Variants in MTHFD1L observed in about 807,000 individuals in gnomAD.
The protein encoded by MTHFD1L is methylenetetrahydrofolate dehydrogenase (NADP+ dependent) 1 like.
In MTHFD1L, 81 loss-of-function variants were observed where a neutral mutation model predicts 119.5. The observed-to-expected ratio is 0.68, with a 90% CI of 0.57 to 0.82. MTHFD1L has a LOEUF of 0.82. Ranked by LOEUF, MTHFD1L falls within the 40% of genes least tolerant of loss-of-function variation. The pLI is 0.00. For synonymous variants in MTHFD1L, 430 were observed against 475.2 expected, an observed-to-expected ratio of 0.90 and a Z score of 1.24; for missense variants, 1,125 against 1,253.4, an observed-to-expected ratio of 0.90 and a Z score of 1.55.
intron 26 of MTHFD1L, among the ~76,000 whole-genome samples, chr6:151,087,652 A>G (rs1793947563): frequency 6.6e-6 from 1 of 152,246 alleles, no homozygotes; most frequent in South Asian, 2.1e-4. Flanking sequence ...ATGAAACAGA[A>G]TCTTTAATAA....
chr6:150,924,712 A>C (rs1342152535), intron 10 of MTHFD1L, among the ~76,000 whole-genome samples: 2 of 151,816 alleles, frequency 1.3e-5, no homozygotes, highest in African/African-American at 4.8e-5. Context: ...TCATGGACTC[A>C]AGTGATCCTC....
At chr6:150,889,200 C>G (rs1041855862) in intron 7 of MTHFD1L, among the ~76,000 whole-genome samples, 1 of 150,856 alleles carries the variant, frequency 6.6e-6, no homozygotes, top group Non-Finnish European at 1.5e-5. Context: ...AAAACATTAA[C>G]TATTAAAAAT....
At chr6:150,962,914 C>CTTTTTTTTTTTTTTTTTTTTTTTTTTTT (rs4035893) in intron 18 of MTHFD1L, among the ~76,000 whole-genome samples, 1 of 114,148 alleles carries the variant, frequency 8.8e-6, no homozygotes, top group African/African-American at 3.3e-5. Flanking sequence ...CTTTTCTTTT[C>CTTTTTTTTTTTTTTTTTTTTTTTTTTTT]TTTTTTTTTT....
chr6:151,038,132 A>C (rs1786470000), intron 26 of MTHFD1L, among the ~76,000 whole-genome samples: 2 of 152,210 alleles, frequency 1.3e-5, no homozygotes, highest in African/African-American at 4.8e-5. Flanking sequence ...TGTGAGGCAC[A>C]GAGATTTTAG....
chr6:150,949,073 G>A lies in MTHFD1L; in HGVS notation c.1666G>A (p.Glu556Lys). Residue 556 changes from glutamate to lysine, a missense_variant, in exon 16 of 28, where the codon GAG (glutamate) becomes AAG (lysine). Around this residue, in one of 3 missense-constraint regions of MTHFD1L, gnomAD observed 1,058 missense variants for 1,151.2 expected, o/e 0.92. Transcript: ENST00000367321. Reference protein sequence around the residue: ...NKTDPSTLTEEEVSKFARLDI... With the variant: ...NKTDPSTLTEKEVSKFARLDI... ...GACTGATCCGAGCACACTGACAGAA[G>A]AGGAAGTGAGTAAATTTGCCCGTCT... The A allele has an allele frequency of 1.2e-6, 2 of 1,614,080 alleles. No homozygotes were observed. The highest frequency in any genetic ancestry group is 8.5e-7 in the Non-Finnish European group (1 of 1,180,008).
intron 12 of MTHFD1L, 54 bp downstream of exon 12, chr6:150,936,994 T>G: frequency 6.3e-7 from 1 of 1,586,576 alleles, no homozygotes; most frequent in Non-Finnish European, 8.6e-7. Flanking sequence ...GGGGAGAGAA[T>G]TGTAAAAAGA....
chr6:150,952,467 C>T (rs1374305898), intron 16 of MTHFD1L, among the ~76,000 whole-genome samples: 1 of 152,182 alleles, frequency 6.6e-6, no homozygotes, highest in Non-Finnish European at 1.5e-5. Context: ...CTTCTCAGGC[C>T]ATATGGATGT....
chr6:151,016,768 CTTTT>C (rs757274955), intron 24 of MTHFD1L: 274 of 217,128 alleles, frequency 1.3e-3, no homozygotes, highest in Middle Eastern at 2.0e-3. Flanking sequence ...CTATCTTAGC[CTTTT>C]TTTTTTTTTT....
chr6:150,964,223 C>T (rs1317877198), intron 18 of MTHFD1L, among the ~76,000 whole-genome samples: 3 of 151,984 alleles, frequency 2.0e-5, no homozygotes, highest in Admixed American at 2.0e-4. Context: ...GCCTTGTGGC[C>T]TTTTTTTGGC....
At chr6:150,900,501 G>A (rs1476821302) in intron 7 of MTHFD1L, among the ~76,000 whole-genome samples, 1 of 152,134 alleles carries the variant, frequency 6.6e-6, no homozygotes, top group Admixed American at 6.6e-5. Flanking sequence ...TAAATGCTGT[G>A]TGTCCCGACC....
At chr6:150,962,537 T>C (rs1274814178) in intron 18 of MTHFD1L, among the ~76,000 whole-genome samples, 1 of 152,220 alleles carries the variant, frequency 6.6e-6, no homozygotes, top group Non-Finnish European at 1.5e-5. Context: ...GCTGAAGGTT[T>C]CTGCCACATG....
At chr6:150,870,928 A>G (rs1779316316) in intron 1 of MTHFD1L, among the ~76,000 whole-genome samples, 2 of 147,564 alleles carry the variant, frequency 1.4e-5, no homozygotes, top group Admixed American at 1.4e-4. Flanking sequence ...AAACAAAACA[A>G]AACAAAAAAA....
intron 16 of MTHFD1L, among the ~76,000 whole-genome samples, chr6:150,955,471 C>T (rs981553986): frequency 2.0e-5 from 3 of 149,718 alleles, no homozygotes; most frequent in Non-Finnish European, 4.4e-5. Context: ...TCGGGTAATG[C>T]CAAGAAGGGA....
intron 1 of MTHFD1L, chr6:150,866,326 C>G (rs1186720315): frequency 2.7e-6 from 4 of 1,455,400 alleles, no homozygotes; most frequent in Non-Finnish European, 3.6e-6. Context: ...ACCGCACGCC[C>G]GGCTCCACGT....
At position 151,009,959 on chromosome 6, in the gene MTHFD1L, G is replaced by A; in HGVS notation, c.2265+1G>A. ...GAAGATGCATGGAGGCGGGCCAAGTGTAAGTGCCCACACCGCCTTCCTAAT... is the reference window on the plus strand; with the variant it reads ...GAAGATGCATGGAGGCGGGCCAAGTATAAGTGCCCACACCGCCTTCCTAAT... On this transcript the variant is annotated splice_donor_variant, in intron 21 of 27. Coordinates refer to ENST00000367321, the MANE Select transcript of MTHFD1L (RefSeq NM_015440.5). LOFTEE classifies it high-confidence loss of function. 1 of 1,597,608 alleles carries A rather than the reference G, an allele frequency of 6.3e-7. No individual in the cohort carries two copies. The highest frequency in any genetic ancestry group is 8.5e-7 in the Non-Finnish European group (1 of 1,174,204).
intron 7 of MTHFD1L, among the ~76,000 whole-genome samples, chr6:150,904,719 T>G (rs1209041154): frequency 6.6e-6 from 1 of 152,188 alleles, no homozygotes; most frequent in African/African-American, 2.4e-5. Context: ...TTTGCCTACC[T>G]TTTTGTCTTA....
At chr6:150,956,968 A>G (rs746744251) in intron 17 of MTHFD1L, among the ~76,000 whole-genome samples, 23 of 152,220 alleles carry the variant, frequency 1.5e-4, no homozygotes, top group Non-Finnish European at 2.6e-4. Flanking sequence ...AACTGGAATC[A>G]TTGCCATGAA....
At chr6:150,938,589 G>T in intron 12 of MTHFD1L, 110 bp from the exon 13 acceptor site, 3 of 1,081,132 alleles carry the variant, frequency 2.8e-6, no homozygotes, top group Non-Finnish European at 1.4e-6. Flanking sequence ...ACTTCATCTT[G>T]GGTGTGACGC....
At chr6:150,866,127 C>G in intron 1 of MTHFD1L, 78 bp downstream of exon 1, 1 of 1,442,728 alleles carries the variant, frequency 6.9e-7, no homozygotes, top group Non-Finnish European at 9.1e-7. Context: ...CCGGGACCGC[C>G]GTGGGGAGCG....
Sources: allele counts gnomAD v4.1 joint callset (sites outside exome capture counted in the v4.1 genomes callset), GRCh38; gene constraint gnomAD v4.1.1; regional missense constraint gnomAD v4.1.1; transcripts MANE v1.5; gene names NCBI Gene and HGNC (gene_info 2026-07-23, HGNC 2026-07-21).